CCDC60: variants seen among roughly 807,000 people sequenced by gnomAD.
CCDC60 encodes coiled-coil domain-containing protein 60.
CCDC60 carries 54 observed loss-of-function variants against 63.5 expected under a neutral mutation model. The ratio of observed to expected loss-of-function variants is 0.85; its 90% confidence interval spans 0.68 to 1.07. The LOEUF (loss-of-function observed/expected upper bound fraction) is 1.07. Among genes scored for constraint, CCDC60 ranks in the 50% least tolerant of loss-of-function variants. The pLI, the probability that CCDC60 is intolerant of heterozygous loss-of-function variation, is 0.00. For missense variants in CCDC60, 651 were observed against 684.3 expected (o/e 0.95, Z 0.54); for synonymous variants, 206 against 238.8 (o/e 0.86, Z 1.27).
intron 1 of CCDC60, among the ~76,000 whole-genome samples, chr12:119,425,028 G>A (rs1956877506): frequency 6.6e-6 from 1 of 151,816 alleles, no homozygotes; most frequent in African/African-American, 2.4e-5. Flanking sequence ...AAAAAAAAAT[G>A]CTTGAATGTT....
intron 1 of CCDC60, among the ~76,000 whole-genome samples, chr12:119,355,842 A>C (rs1171164941): frequency 6.6e-6 from 1 of 152,214 alleles, no homozygotes; most frequent in East Asian, 1.9e-4. Flanking sequence ...GGTTGTTGCC[A>C]TGGAAAGGGT....
In CCDC60 at chr12:119,433,569, C is replaced by G. The variant is rs1007288521; in HGVS notation, c.170+4807C>G. 3 of 702,370 alleles carry G rather than the reference C, an allele frequency of 4.3e-6. No individual in the cohort carries two copies. The South Asian group carries it at 4.4e-5, about 10-fold the overall frequency. 43.5% of individuals were successfully genotyped at this position (702,370 alleles called of 1,614,324 possible). A position where few individuals can be genotyped will look rare whatever the true frequency, so the allele number is the denominator to read the frequency against. On this transcript the variant is annotated intron_variant, in intron 2 of 13. Transcript: ENST00000327554. ...CACCATGTTTTCCAAGGGAAGTCAT[C>G]TCTCCAAGTGGCACAAACTCCCTGA...
intron 2 of CCDC60, among the ~76,000 whole-genome samples, chr12:119,465,426 T>G (rs1233301952): frequency 1.3e-5 from 2 of 152,076 alleles, no homozygotes; most frequent in African/African-American, 4.8e-5. Flanking sequence ...CTCTATGTAT[T>G]GATTTATGAC....
At chr12:119,489,180 C>T (rs1340690503) in intron 5 of CCDC60, among the ~76,000 whole-genome samples, 1 of 152,206 alleles carries the variant, frequency 6.6e-6, no homozygotes, top group Non-Finnish European at 1.5e-5. Context: ...TATGGAAGCA[C>T]ATCACTGGAT....
At chr12:119,476,959 C>T (rs888689918) in intron 3 of CCDC60, among the ~76,000 whole-genome samples, 1 of 152,236 alleles carries the variant, frequency 6.6e-6, no homozygotes. Flanking sequence ...GCCATGAACA[C>T]CCACTCTAAA....
chr12:119,530,907 T>C lies in CCDC60; in HGVS notation c.1395T>C (p.Asp465=). The C allele has an allele frequency of 6.2e-7, 1 of 1,614,122 alleles. No homozygotes were observed. Among genetic ancestry groups the C allele is most frequent in the Non-Finnish European group, 8.5e-7 (1 of 1,179,996 alleles). The change falls in exon 13 of 14, where the codon GAT becomes GAC. Residue 465 remains aspartate (D), a synonymous_variant. Transcript: ENST00000327554. ...YFDLLSKLPE[D]LKNFRPAKKI... is the part of the protein sequence containing the mutation. Reference sequence around the variant, plus strand: ...ATCTGTTGTCCAAACTGCCAGAGGATCTAAAGAACTTCCGCCCCGCCAAAA... The same window carrying C: ...ATCTGTTGTCCAAACTGCCAGAGGACCTAAAGAACTTCCGCCCCGCCAAAA...
intron 1 of CCDC60, among the ~76,000 whole-genome samples, chr12:119,398,336 G>A (rs1335938544): frequency 2.6e-5 from 4 of 152,084 alleles, no homozygotes; most frequent in Admixed American, 1.3e-4. Context: ...CTCCTAGTGC[G>A]TGGCCCTCCG....
intron 1 of CCDC60, among the ~76,000 whole-genome samples, chr12:119,373,116 G>A (rs1241230633): frequency 1.3e-5 from 2 of 152,168 alleles, no homozygotes; most frequent in Non-Finnish European, 2.9e-5. Flanking sequence ...TGCAGAGTGG[G>A]TGGCGTCTCC....
At chr12:119,433,049 A>T (rs985555165) in intron 2 of CCDC60, among the ~76,000 whole-genome samples, 1 of 152,188 alleles carries the variant, frequency 6.6e-6, no homozygotes, top group African/African-American at 2.4e-5. Context: ...CACTGACGTC[A>T]CCACTTTGGT....
At chr12:119,439,150 CAAAAAAA>C (rs11317847) in intron 2 of CCDC60, among the ~76,000 whole-genome samples, 58 of 72,278 alleles carry the variant, frequency 8.0e-4, no homozygotes, top group African/African-American at 2.6e-3. Context: ...CTTTTCTGGG[CAAAAAAA>C]AAAAAAAAAA....
At chr12:119,516,307 T>G (rs934446031) in intron 7 of CCDC60, among the ~76,000 whole-genome samples, 1 of 152,190 alleles carries the variant, frequency 6.6e-6, no homozygotes, top group Non-Finnish European at 1.5e-5. Flanking sequence ...GGTTTCACCA[T>G]GTTGGCCAGG....
intron 1 of CCDC60, among the ~76,000 whole-genome samples, chr12:119,406,880 AGGCATCAC>A (rs1031687831): frequency 3.9e-5 from 6 of 152,290 alleles, no homozygotes; most frequent in Admixed American, 2.0e-4. Context: ...ACATGGTGAC[AGGCATCAC>A]GGCTGCATTT....
intron 1 of CCDC60, among the ~76,000 whole-genome samples, chr12:119,344,853 TCTCACACACACACA>T (rs1346602763): frequency 1.2e-4 from 12 of 104,186 alleles, no homozygotes; most frequent in African/African-American, 4.0e-4. Context: ...TCTCTCTCTC[TCTCACACACACACA>T]CACACACACA....
intron 11 of CCDC60, among the ~76,000 whole-genome samples, chr12:119,524,715 TC>T (rs1230562942): frequency 3.0e-5 from 4 of 131,364 alleles, no homozygotes; most frequent in African/African-American, 1.2e-4. Context: ...TCTTTTCTTT[TC>T]TTTTCTTTTT....
In CCDC60 at chr12:119,514,651, A is replaced by G. The variant is rs896496487; in HGVS notation, c.884-1972A>G. 3.3e-5 allele frequency among the ~76,000 whole-genome samples: 5 copies of G among 152,302 alleles called. No individual in the cohort carries two copies. In the East Asian group the frequency reaches 9.6e-4, roughly 29 times the overall value. Reference sequence around the variant, plus strand: ...AGAGTCAAGAAATTTAAAAAATGTAAAGCTTATAAAGTAAAAAAGTACAGT... The same window carrying G: ...AGAGTCAAGAAATTTAAAAAATGTAGAGCTTATAAAGTAAAAAAGTACAGT... On this transcript the variant is annotated intron_variant, in intron 7 of 13. Transcript: ENST00000327554.
intron 1 of CCDC60, among the ~76,000 whole-genome samples, chr12:119,346,776 C>CTT (rs1365513361): frequency 2.2e-5 from 1 of 46,404 alleles, no homozygotes; most frequent in Non-Finnish European, 4.2e-5. Context: ...TCATCTTTCT[C>CTT]TTTCTTTCTT....
chr12:119,393,939 T>G (rs1442475182), intron 1 of CCDC60, among the ~76,000 whole-genome samples: 1 of 152,226 alleles, frequency 6.6e-6, no homozygotes, highest in East Asian at 1.9e-4. Context: ...ATGTTTGGTG[T>G]TGTAAAACAG....
chr12:119,437,051 T>C (rs1950339114), intron 2 of CCDC60, among the ~76,000 whole-genome samples: 1 of 152,216 alleles, frequency 6.6e-6, no homozygotes, highest in Non-Finnish European at 1.5e-5. Context: ...TCCTTGTTCA[T>C]AAAGTGCAGA....
intron 1 of CCDC60, among the ~76,000 whole-genome samples, chr12:119,361,292 C>T (rs1214099757): frequency 6.6e-6 from 1 of 152,050 alleles, no homozygotes; most frequent in Non-Finnish European, 1.5e-5. Context: ...CTCAAATTTA[C>T]ACAAGCAAAA....
Sources: gnomAD v4.1 joint callset for allele counts (sites outside exome capture counted in the v4.1 genomes callset) on GRCh38, gnomAD v4.1.1 for gene constraint, MANE v1.5 for transcripts, NCBI Gene and HGNC (gene_info 2026-07-23, HGNC 2026-07-21) for gene names.